PRKG1: variants seen among roughly 807,000 people sequenced by gnomAD.
The protein encoded by PRKG1 is cGMP-dependent protein kinase 1.
PRKG1 carries 35 observed loss-of-function variants against 88.1 expected under a neutral mutation model. That is an observed-to-expected ratio of 0.40 (90% CI 0.30 to 0.53). PRKG1 has a LOEUF of 0.53. PRKG1 is among the 20% of genes least tolerant of loss of function. The pLI is 0.59. For synonymous variants in PRKG1, 303 were observed against 292.5 expected, an observed-to-expected ratio of 1.04 and a Z score of -0.37; for missense variants, 540 against 839.8, an observed-to-expected ratio of 0.64 and a Z score of 4.41.
At chr10:51,072,013 A>G (rs745769400), upstream of PRKG1, among the ~76,000 whole-genome samples, 1 of 152,184 alleles carries the variant, frequency 6.6e-6, no homozygotes, top group Admixed American at 6.5e-5. Flanking sequence ...CCTGGCCAAC[A>G]TGGTGAACCC....
At chr10:51,941,678 C>T (rs1373834016) in intron 5 of PRKG1, among the ~76,000 whole-genome samples, 3 of 144,740 alleles carry the variant, frequency 2.1e-5, no homozygotes, top group Non-Finnish European at 3.0e-5. Flanking sequence ...TGTTCAATTC[C>T]CACCTATGAA....
At chr10:51,764,497 T>C (rs904105621) in intron 3 of PRKG1, among the ~76,000 whole-genome samples, 2 of 152,092 alleles carry the variant, frequency 1.3e-5, no homozygotes, top group Non-Finnish European at 2.9e-5. Context: ...GTTTTCTCTC[T>C]AAAGAAAGAA....
intron 2 of PRKG1, among the ~76,000 whole-genome samples, chr10:51,412,206 AG>A (rs1282216759): frequency 6.4e-5 from 7 of 109,370 alleles, no homozygotes; most frequent in African/African-American, 3.0e-4. Context: ...AGAGAGAGAG[AG>A]AGAGAGAAAG....
intron 9 of PRKG1, among the ~76,000 whole-genome samples, chr10:52,240,255 T>TA (rs1317128295): frequency 6.6e-6 from 1 of 152,186 alleles, no homozygotes; most frequent in African/African-American, 2.4e-5. Flanking sequence ...AAATGGCACT[T>TA]ATCTCTGTAG....
intron 3 of PRKG1, among the ~76,000 whole-genome samples, chr10:51,555,692 A>G (rs569467416): frequency 5.3e-5 from 8 of 152,026 alleles, no homozygotes; most frequent in Non-Finnish European, 1.2e-4. Flanking sequence ...GATGTTGAGG[A>G]CAAAATCAAG....
chr10:51,330,281 G>T (rs1379815137), intron 2 of PRKG1, among the ~76,000 whole-genome samples: 1 of 151,616 alleles, frequency 6.6e-6, no homozygotes, highest in African/African-American at 2.4e-5. Context: ...CTCCCGAGTA[G>T]CTGGGATTGC....
chr10:52,056,629 G>A (rs1846116968), intron 6 of PRKG1, among the ~76,000 whole-genome samples: 1 of 152,110 alleles, frequency 6.6e-6, no homozygotes, highest in Non-Finnish European at 1.5e-5. Context: ...TAATATATTA[G>A]ACTCTCTTGA....
At chr10:51,523,973 T>A (rs1471954179) in intron 3 of PRKG1, among the ~76,000 whole-genome samples, 1 of 151,920 alleles carries the variant, frequency 6.6e-6, no homozygotes, top group Non-Finnish European at 1.5e-5. Context: ...ATTATGGGGG[T>A]GCATCCTTTA....
At chr10:51,612,016 G>T (rs1838923270) in intron 3 of PRKG1, among the ~76,000 whole-genome samples, 1 of 151,926 alleles carries the variant, frequency 6.6e-6, no homozygotes, top group Non-Finnish European at 1.5e-5. Flanking sequence ...TTGTGTCAGT[G>T]CCATGCTGTT....
intron 2 of PRKG1, among the ~76,000 whole-genome samples, chr10:51,164,974 G>T (rs1180109466): frequency 6.6e-6 from 1 of 152,208 alleles, no homozygotes; most frequent in East Asian, 1.9e-4. Context: ...AAAACACTCT[G>T]CATGATAGTA....
At chr10:51,278,380 A>T (rs900584529) in intron 2 of PRKG1, among the ~76,000 whole-genome samples, 2 of 152,058 alleles carry the variant, frequency 1.3e-5, no homozygotes, top group African/African-American at 4.8e-5. Flanking sequence ...GGATTTTTGC[A>T]TCAGTGTTCA....
At chr10:51,083,589 C>T (rs1390191220) in intron 1 of PRKG1, among the ~76,000 whole-genome samples, 2 of 151,622 alleles carry the variant, frequency 1.3e-5, no homozygotes, top group South Asian at 2.1e-4. Flanking sequence ...GAGTACTTTC[C>T]GAGGAGACTT....
chr10:51,717,763 C>T (rs1008272116), intron 3 of PRKG1, among the ~76,000 whole-genome samples: 1 of 150,826 alleles, frequency 6.6e-6, no homozygotes, highest in East Asian at 2.0e-4. Context: ...ACCCGGGAGG[C>T]GGAGCTTCCA....
At chr10:51,894,208 TTGAC>T (rs1841787660) in intron 4 of PRKG1, among the ~76,000 whole-genome samples, 1 of 152,218 alleles carries the variant, frequency 6.6e-6, no homozygotes, top group Admixed American at 6.6e-5. Context: ...ATGAAAATAA[TTGAC>T]TGGTAAGGCT....
intron 5 of PRKG1, among the ~76,000 whole-genome samples, chr10:51,993,919 G>A (rs1187605553): frequency 6.6e-6 from 1 of 152,082 alleles, no homozygotes; most frequent in Non-Finnish European, 1.5e-5. Flanking sequence ...TTCTTTACTA[G>A]GTTAACTTTC....
intron 7 of PRKG1, among the ~76,000 whole-genome samples, chr10:52,085,291 T>G (rs993464656): frequency 6.8e-6 from 1 of 147,700 alleles, no homozygotes; most frequent in African/African-American, 2.5e-5. Context: ...TAGCATCCAT[T>G]GATGAAGATT....
chr10:51,224,470 G>C (rs978854519), intron 2 of PRKG1, among the ~76,000 whole-genome samples: 5 of 152,202 alleles, frequency 3.3e-5, no homozygotes, highest in African/African-American at 1.2e-4. Flanking sequence ...AATATTTTCA[G>C]ACATCAAACT....
intron 3 of PRKG1, among the ~76,000 whole-genome samples, chr10:51,472,223 G>A (rs1222787505): frequency 1.3e-5 from 2 of 151,868 alleles, no homozygotes; most frequent in Admixed American, 6.6e-5. Context: ...AAGGTCTGGA[G>A]TTTTGTGTTT....
At chr10:52,040,508 G>A (rs11593752) in intron 5 of PRKG1, among the ~76,000 whole-genome samples, 2 of 152,122 alleles carry the variant, frequency 1.3e-5, no homozygotes, top group Non-Finnish European at 2.9e-5. Flanking sequence ...AAATGAATAG[G>A]TCTGAAATGA....
Sources: allele counts gnomAD v4.1 joint callset (sites outside exome capture counted in the v4.1 genomes callset), GRCh38; gene constraint gnomAD v4.1.1; transcripts MANE v1.5; gene names NCBI Gene and HGNC (gene_info 2026-07-23, HGNC 2026-07-21).